The following ANK3 variants were observed in gnomAD, a reference collection of about 807,000 sequenced individuals.
ANK3 encodes ankyrin 3.
Under a neutral mutation model 370.9 loss-of-function variants are expected in ANK3, and 57 were observed. The ratio of observed to expected loss-of-function variants is 0.15; its 90% CI spans 0.12 to 0.19. The LOEUF (loss-of-function observed/expected upper bound fraction) is 0.19. Among genes scored for constraint, ANK3 ranks in the 10% least tolerant of loss-of-function variants. The pLI is 1.00. For synonymous variants in ANK3, 1,929 were observed against 1,946.3 expected (o/e 0.99, Z 0.23); for missense variants, 4,439 against 5,302.1 (o/e 0.84, Z 5.06).
chr10:60,106,300 T>C (rs912280572), intron 27 of ANK3, among the ~76,000 whole-genome samples: 1 of 152,092 alleles, frequency 6.6e-6, no homozygotes, highest in African/African-American at 2.4e-5. Flanking sequence ...GCATAGGATT[T>C]AATGGGGGAA....
intron 2 of ANK3, among the ~76,000 whole-genome samples, chr10:60,523,963 G>A (rs1447733851): frequency 6.6e-6 from 1 of 152,048 alleles, no homozygotes; most frequent in Non-Finnish European, 1.5e-5. Context: ...ACATACACTG[G>A]TCTATTCAAA....
intron 8 of ANK3, among the ~76,000 whole-genome samples, chr10:60,219,461 C>T (rs1271584078): frequency 6.6e-6 from 1 of 152,084 alleles, no homozygotes; most frequent in Admixed American, 6.5e-5. Flanking sequence ...TCTGCTTGCC[C>T]CCGCCACCTC....
intron 2 of ANK3, among the ~76,000 whole-genome samples, chr10:60,544,343 G>A (rs115158217): frequency 0.011 from 1,678 of 152,174 alleles, 36 homozygotes; most frequent in African/African-American, 0.038. Context: ...TGTAATTATG[G>A]TCTCTGGGAA....
At chr10:60,602,154 C>CA (rs914427149) in intron 2 of ANK3, among the ~76,000 whole-genome samples, 2 of 152,096 alleles carry the variant, frequency 1.3e-5, no homozygotes, top group African/African-American at 2.4e-5. Context: ...TTATTTCTCA[C>CA]AAAAATCCAT....
At chr10:60,113,263 T>G (rs1260717825) in intron 26 of ANK3, among the ~76,000 whole-genome samples, 3 of 152,158 alleles carry the variant, frequency 2.0e-5, no homozygotes, top group African/African-American at 7.2e-5. Context: ...ACAACTTAAT[T>G]GTAATTTTAC....
intron 2 of ANK3, among the ~76,000 whole-genome samples, chr10:60,487,940 C>T (rs1380413535): frequency 6.6e-6 from 1 of 152,064 alleles, no homozygotes; most frequent in Non-Finnish European, 1.5e-5. Context: ...TCTCGAACTC[C>T]CTACCTCAGG....
intron 2 of ANK3, among the ~76,000 whole-genome samples, chr10:60,498,200 T>G (rs1040069582): frequency 6.6e-5 from 10 of 152,190 alleles, no homozygotes; most frequent in African/African-American, 2.2e-4. Flanking sequence ...TTCTTCACAT[T>G]CTCTTGATCT....
intron 7 of ANK3, among the ~76,000 whole-genome samples, chr10:60,246,632 A>T (rs1347530683): frequency 1.3e-5 from 2 of 152,182 alleles, no homozygotes; most frequent in African/African-American, 4.8e-5. Flanking sequence ...TTTGTTGTGA[A>T]GTCAGGCTCT....
intron 1 of ANK3, among the ~76,000 whole-genome samples, chr10:60,320,204 G>A (rs1441911336): frequency 2.0e-5 from 3 of 152,194 alleles, no homozygotes; most frequent in Admixed American, 1.3e-4. Flanking sequence ...AATCTTCCAT[G>A]TGCTTTGCCC....
At chr10:60,193,543 T>A (rs1240775587) in intron 16 of ANK3, among the ~76,000 whole-genome samples, 4 of 151,848 alleles carry the variant, frequency 2.6e-5, no homozygotes, top group Admixed American at 1.3e-4. Context: ...TAGTCTCATC[T>A]ATTTGGGAGG....
At position 60,278,824 on chromosome 10, in the gene ANK3, C is replaced by T. The variant is rs781093754; in HGVS notation, c.364G>A (p.Val122Met). The change falls in exon 4 of 44, where the codon GTG becomes ATG. Residue 122 changes from valine to methionine, a missense_variant. Physicochemically the swap from Val to Met is conservative, Grantham distance 21. Coordinates refer to ENST00000280772, the MANE Select transcript of ANK3 (RefSeq NM_020987.5). ...HIASLAGQAE[V>M]VKVLVTNGAN... ...CCATTTGTAACCAAGACTTTTACCACCTCTGCTTGCCCAGCCAAAGATGCG... is the reference window on the plus strand; with the variant it reads ...CCATTTGTAACCAAGACTTTTACCATCTCTGCTTGCCCAGCCAAAGATGCG... 3 of 1,613,968 alleles carry T rather than the reference C, an allele frequency of 1.9e-6. No individual in the cohort carries two copies. The highest frequency in any genetic ancestry group is 2.5e-6 in the Non-Finnish European group (3 of 1,179,938).
rs945140267 is a variant in ANK3, at chr10:60,514,903, G to A, written c.96+100283C>T. 3.8e-4 allele frequency among the ~76,000 whole-genome samples: 57 copies of A among 151,994 alleles called. 1 individual carries two copies. The highest frequency in any genetic ancestry group is 1.3e-3 in the African/African-American group (55 of 41,398). ...GTTTCTCTCATATTTCATATAAAAT[G>A]ACAAATTTTATTGTAGAGAGTTGTG... On this transcript the variant is annotated intron_variant, in intron 2 of 43. Coordinates refer to the ANK3 transcript ENST00000373827.
intron 1 of ANK3, among the ~76,000 whole-genome samples, chr10:60,684,071 A>T (rs1406451809): frequency 6.6e-6 from 1 of 152,244 alleles, no homozygotes; most frequent in Non-Finnish European, 1.5e-5. Context: ...TATATATCAA[A>T]TGATTACATG....
intron 23 of ANK3, among the ~76,000 whole-genome samples, chr10:60,159,304 T>C (rs544762141): frequency 2.6e-5 from 4 of 151,966 alleles, no homozygotes; most frequent in Non-Finnish European, 5.9e-5. Context: ...GATTTCAAGA[T>C]AAAAACTGCA....
At chr10:60,427,404 A>G (rs1025142850) in intron 2 of ANK3, among the ~76,000 whole-genome samples, 3 of 152,258 alleles carry the variant, frequency 2.0e-5, no homozygotes, top group South Asian at 2.1e-4. Flanking sequence ...AGTAAACAGT[A>G]AAGTAAGCTT....
intron 1 of ANK3, among the ~76,000 whole-genome samples, chr10:60,616,503 C>T (rs369627103): frequency 6.6e-6 from 1 of 152,120 alleles, no homozygotes; most frequent in Non-Finnish European, 1.5e-5. Context: ...CCCTTAAAAT[C>T]ATATCATTTT....
intron 1 of ANK3, among the ~76,000 whole-genome samples, chr10:60,369,309 G>T (rs2132775284): frequency 6.6e-6 from 1 of 152,278 alleles, no homozygotes; most frequent in East Asian, 1.9e-4. Context: ...ACAGTTTATT[G>T]TTATGAGATG....
At position 60,073,727 on chromosome 10, in the gene ANK3, C is replaced by A. The variant is rs1260583575; in HGVS notation, c.7154G>T (p.Cys2385Phe). 6.2e-7 allele frequency: 1 copy of A among 1,613,820 alleles called. No homozygotes were observed. The highest frequency in any genetic ancestry group is 8.5e-7 in the Non-Finnish European group (1 of 1,179,998). Reference protein sequence around the residue: ...FLPEKHDAFPCSEEQGQQEEE... With the variant: ...FLPEKHDAFPFSEEQGQQEEE... Reference sequence around the variant, plus strand: ...TTCTTGCTGACCCTGTTCCTCTGAACAAGGAAAAGCATCGTGTTTTTCTGG... The same window carrying A: ...TTCTTGCTGACCCTGTTCCTCTGAAAAAGGAAAAGCATCGTGTTTTTCTGG... Residue 2385 changes from cysteine to phenylalanine, a missense_variant, in exon 37 of 44, where the codon TGT becomes TTT. Transcript: ENST00000280772.
At chr10:60,089,102 A>T (rs2087485673) in intron 28 of ANK3, among the ~76,000 whole-genome samples, 1 of 152,218 alleles carries the variant, frequency 6.6e-6, no homozygotes. Flanking sequence ...CAAATATTTT[A>T]AAGTTATCCA....
Sources: allele counts gnomAD v4.1 joint callset (sites outside exome capture counted in the v4.1 genomes callset), GRCh38; gene constraint gnomAD v4.1.1; transcripts MANE v1.5; gene names NCBI Gene and HGNC (gene_info 2026-07-23, HGNC 2026-07-21).